Variants in BLZF1 observed in about 807,000 individuals in gnomAD.
The protein encoded by BLZF1 is basic leucine zipper nuclear factor 1, also known as golgin-45.
In BLZF1, 39 loss-of-function variants were observed where a neutral mutation model predicts 43.8. That is an observed-to-expected ratio of 0.89 (90% CI 0.69 to 1.16). The LOEUF (loss-of-function observed/expected upper bound fraction) is 1.16, where lower values mean the gene tolerates loss of function less well. Among genes scored for constraint, BLZF1 ranks in the 50% most tolerant of loss-of-function variants. The probability of loss-of-function intolerance (pLI) is 0.00; values close to 1 mark genes in which losing one functional copy is unlikely to be tolerated. For missense variants in BLZF1, 449 were observed against 469.8 expected (o/e 0.96, Z 0.41); for synonymous variants, 136 against 159.4 (o/e 0.85, Z 1.11).
chr1:169,395,139 G>A, intron 7 of BLZF1: 1 of 1,613,552 alleles, frequency 6.2e-7, no homozygotes, highest in South Asian at 1.1e-5. Flanking sequence ...TCTAGTCGGA[G>A]CTGTCTAGTT....
Position 169,387,083 on chromosome 1 carries a change from T to C in BLZF1, c.1104T>C (p.Ala368=), listed in dbSNP as rs1654697278. 1 of 1,613,660 alleles carries C rather than the reference T, an allele frequency of 6.2e-7. No individual in the cohort carries two copies. Among genetic ancestry groups the C allele is most frequent in the Non-Finnish European group, 8.5e-7 (1 of 1,179,774 alleles). ...AGTCTTCACCAACCACCTTACTTGC[T>C]ACAAAGAAAAATATTGGACGATTTC... ...FFESSPTTLL[A]TKKNIGRFHP... is the part of the protein sequence containing the mutation. The change falls in exon 7 of 7, where the codon GCT becomes GCC. Residue 368 remains alanine (A), a synonymous_variant. Coordinates refer to ENST00000367808, the MANE Select transcript of BLZF1 (RefSeq NM_001320973.2).
chr1:169,382,287 A>G lies in BLZF1; in HGVS notation c.1017+6A>G. The G allele has an allele frequency of 6.2e-7, 1 of 1,610,782 alleles. No individual in the cohort carries two copies. Among genetic ancestry groups the G allele is most frequent in the Admixed American group, 1.7e-5 (1 of 59,820 alleles). On this transcript the variant is annotated splice_donor_region_variant and intron_variant, in intron 6 of 6. Coordinates refer to ENST00000367808, the MANE Select transcript of BLZF1 (RefSeq NM_001320973.2). ...CTGAGAAAATGGCTGAAACGGTAAA[A>G]TATTTTCTTTTGTGATCTATGGAAC...
At chr1:169,369,915 ATTAG>A (rs1654051407) in intron 2 of BLZF1, among the ~76,000 whole-genome samples, 1 of 152,206 alleles carries the variant, frequency 6.6e-6, no homozygotes, top group Non-Finnish European at 1.5e-5. Context: ...TTCATGTTGT[ATTAG>A]TTTGCTGGGG....
chr1:169,383,994 T>A (rs1654600155), intron 6 of BLZF1, among the ~76,000 whole-genome samples: 2 of 152,180 alleles, frequency 1.3e-5, no homozygotes, highest in African/African-American at 4.8e-5. Flanking sequence ...TTTCTGAGTC[T>A]GAGAGATTTA....
chr1:169,373,594 C>G (rs919994077), intron 2 of BLZF1, among the ~76,000 whole-genome samples: 2 of 152,042 alleles, frequency 1.3e-5, no homozygotes, highest in Non-Finnish European at 2.9e-5. Context: ...GGAGCTCTCA[C>G]GTAATATATA....
In BLZF1 at chr1:169,382,280, C is replaced by G; in HGVS notation, c.1016C>G (p.Thr339Arg). 4 of 1,611,772 alleles carry G rather than the reference C, an allele frequency of 2.5e-6. No individual in the cohort carries two copies. The highest frequency in any genetic ancestry group is 3.4e-6 in the Non-Finnish European group (4 of 1,178,468). ...CSTPAEKMAE[T>R]VLRILDPVTC... The stretch of plus-strand genomic sequence containing the variant: ...ACCCCAGCTGAGAAAATGGCTGAAA[C>G]GGTAAAATATTTTCTTTTGTGATCT... Residue 339 changes from threonine (T) to arginine (R), a missense_variant and splice_region_variant, in exon 6 of 7, where the codon ACG becomes AGG. Thr to Arg is a moderately conservative substitution (Grantham distance 71, BLOSUM62 -1). Coordinates refer to ENST00000367808, the MANE Select transcript of BLZF1 (RefSeq NM_001320973.2).
chr1:169,384,175 G>A (rs1010237061), intron 6 of BLZF1, among the ~76,000 whole-genome samples: 4 of 151,504 alleles, frequency 2.6e-5, no homozygotes, highest in African/African-American at 4.9e-5. Flanking sequence ...TTCAGATTTC[G>A]ATAAAAAACA....
intron 2 of BLZF1, among the ~76,000 whole-genome samples, chr1:169,373,102 CT>C (rs1008505898): frequency 2.0e-5 from 3 of 152,122 alleles, no homozygotes; most frequent in African/African-American, 7.2e-5. Flanking sequence ...TATTTACTCT[CT>C]GGTCCTTTAC....
Position 169,387,166 on chromosome 1 carries a change from A to G in BLZF1, c.1187A>G (p.Glu396Gly), listed in dbSNP as rs1262960375. The G allele has an allele frequency of 1.2e-6, 2 of 1,612,946 alleles. No homozygotes were observed. The highest frequency in any genetic ancestry group is 2.7e-5 in the African/African-American group (2 of 74,770). The change falls in exon 7 of 7, where the codon GAA (glutamate) becomes GGA (glycine). Residue 396 changes from glutamate to glycine, a missense_variant. Transcript: ENST00000367808. ...AATTGCTGCAATCACTGCCGGGGAGAACTGATTGCCCTTTAACAGTCAATA... is the reference window on the plus strand; with the variant it reads ...AATTGCTGCAATCACTGCCGGGGAGGACTGATTGCCCTTTAACAGTCAATA... ...TFNCCNHCRG[E>G]LIAL
At chr1:169,385,365 T>C (rs1219113103) in intron 6 of BLZF1, among the ~76,000 whole-genome samples, 1 of 152,164 alleles carries the variant, frequency 6.6e-6, no homozygotes. Context: ...TGTTCTTATG[T>C]CTGCTTATGC....
chr1:169,395,455 G>T (rs995738124), intron 7 of BLZF1, among the ~76,000 whole-genome samples: 16 of 152,094 alleles, frequency 1.1e-4, no homozygotes, highest in African/African-American at 3.6e-4. Context: ...AACTTAATTG[G>T]TTTTTTAATA....
At chr1:169,391,545 G>A (rs1654814537), downstream of BLZF1, among the ~76,000 whole-genome samples, 1 of 152,196 alleles carries the variant, frequency 6.6e-6, no homozygotes, top group African/African-American at 2.4e-5. Context: ...ATGAACTGGG[G>A]AGGAAGGGAG....
In BLZF1 at chr1:169,376,897, T is replaced by A; in HGVS notation, c.386T>A (p.Val129Glu). 2 of 1,613,198 alleles carry A rather than the reference T, an allele frequency of 1.2e-6. No individual in the cohort carries two copies. The highest frequency in any genetic ancestry group is 1.7e-6 in the Non-Finnish European group (2 of 1,179,488). ...AAGGAACTCTCAGAGGTAAAGAATG[T>A]ATTGGAAAAGCTCAAGAATTCTGAA... ...PNKELSEVKN[V>E]LEKLKNSERR... The change falls in exon 3 of 7, where the codon GTA (valine) becomes GAA (glutamate). Residue 129 changes from valine (V) to glutamate (E), a missense_variant. Val to Glu is a moderately radical substitution (Grantham distance 121). Transcript: ENST00000367808.
chr1:169,382,303 T>G, intron 6 of BLZF1, 22 bp downstream of exon 6: 1 of 1,594,826 alleles, frequency 6.3e-7, no homozygotes, highest in South Asian at 1.1e-5. Context: ...TCTTTTGTGA[T>G]CTATGGAACT....
At chr1:169,379,784 A>T (rs1199499997) in intron 4 of BLZF1, among the ~76,000 whole-genome samples, 1 of 152,000 alleles carries the variant, frequency 6.6e-6, no homozygotes. Context: ...TGTGTATCCA[A>T]TCAGTAGAAA....
At chr1:169,371,263 C>T (rs1368647104) in intron 2 of BLZF1, among the ~76,000 whole-genome samples, 1 of 152,082 alleles carries the variant, frequency 6.6e-6, no homozygotes, top group African/African-American at 2.4e-5. Context: ...GTGAAAGCAA[C>T]CAACATGGTG....
At chr1:169,370,818 T>G (rs915406404) in intron 2 of BLZF1, among the ~76,000 whole-genome samples, 3 of 152,162 alleles carry the variant, frequency 2.0e-5, no homozygotes, top group Non-Finnish European at 2.9e-5. Context: ...TCCAAATCTA[T>G]CTATATCCCT....
At chr1:169,395,089 C>G in intron 7 of BLZF1, 2 of 1,611,418 alleles carry the variant, frequency 1.2e-6, no homozygotes, top group Non-Finnish European at 8.5e-7. Context: ...TGGCTTCTGA[C>G]ATATATAGGT....
intron 7 of BLZF1, among the ~76,000 whole-genome samples, chr1:169,395,468 A>C (rs931130857): frequency 8.5e-5 from 13 of 152,196 alleles, no homozygotes; most frequent in African/African-American, 2.9e-4. Flanking sequence ...TTTTAATAAT[A>C]AACACTATTT....
Sources: allele counts gnomAD v4.1 joint callset (sites outside exome capture counted in the v4.1 genomes callset), GRCh38; gene constraint gnomAD v4.1.1; transcripts MANE v1.5; gene names NCBI Gene and HGNC (gene_info 2026-07-23, HGNC 2026-07-21).